Variants in CCT5 observed in about 807,000 individuals in gnomAD.
CCT5 encodes the protein T-complex protein 1 subunit epsilon.
CCT5 carries 6 observed loss-of-function variants against 55.0 expected under a neutral mutation model. That is an observed-to-expected ratio of 0.11 (90% CI 0.06 to 0.22). The LOEUF (loss-of-function observed/expected upper bound fraction) is 0.22. CCT5 is among the 10% of genes least tolerant of loss of function. The pLI, the probability that CCT5 is intolerant of heterozygous loss-of-function variation, is 1.00. For synonymous variants in CCT5, 231 were observed against 243.7 expected (o/e 0.95, Z 0.49); for missense variants, 560 against 694.6 (o/e 0.81, Z 2.18).
Position 10,260,888 on chromosome 5 carries a change from T to G in CCT5, c.970T>G (p.Trp324Gly). 3.7e-6 allele frequency: 6 copies of G among 1,614,178 alleles called. No individual in the cohort carries two copies. The highest frequency in any genetic ancestry group is 5.1e-6 in the Non-Finnish European group (6 of 1,180,002). Residue 324 changes from tryptophan to glycine, a missense_variant, in exon 7 of 11, where the codon TGG becomes GGG. Trp to Gly is a radical substitution (Grantham distance 184). Coordinates refer to ENST00000280326, the MANE Select transcript of CCT5 (RefSeq NM_012073.5). Reference sequence around the variant, plus strand: ...TCAGAACAACTTGCCTGCGGTTCGCTGGGTAGGAGGACCTGAAATTGAGGT... The same window carrying G: ...TCAGAACAACTTGCCTGCGGTTCGCGGGGTAGGAGGACCTGAAATTGAGGT... Reference protein sequence around the residue: ...LLQNNLPAVRWVGGPEIELIA... With the variant: ...LLQNNLPAVRGVGGPEIELIA...
At chr5:10,252,352 T>G (rs774465200) in intron 1 of CCT5, among the ~76,000 whole-genome samples, 8 of 152,224 alleles carry the variant, frequency 5.3e-5, no homozygotes, top group Non-Finnish European at 1.2e-4. Context: ...ATGGTAATGG[T>G]CACAGTTCTT....
At chr5:10,252,614 C>CA (rs35768596) in intron 1 of CCT5, among the ~76,000 whole-genome samples, 96,342 of 119,862 alleles carry the variant, frequency 0.8, 39,355 homozygotes, top group Non-Finnish European at 0.9. Flanking sequence ...GACTCCGTCT[C>CA]AAAAAAAAAA....
At chr5:10,259,513 C>T (rs1173689448) in intron 6 of CCT5, among the ~76,000 whole-genome samples, 1 of 152,156 alleles carries the variant, frequency 6.6e-6, no homozygotes, top group Non-Finnish European at 1.5e-5. Flanking sequence ...GCTCTTGAGA[C>T]ACAGATAAGA....
At chr5:10,254,411 G>A (rs1232957198) in intron 2 of CCT5, 5 of 541,964 alleles carry the variant, frequency 9.2e-6, no homozygotes, top group South Asian at 4.6e-5. Context: ...TTTTTTTTTA[G>A]CATGTAACAT....
Position 10,254,153 on chromosome 5 carries a change from A to G in CCT5, c.114A>G (p.Ile38Met), listed in dbSNP as rs1745560928. The G allele has an allele frequency of 1.9e-6, 3 of 1,606,224 alleles. No individual in the cohort carries two copies. The highest frequency in any genetic ancestry group is 8.5e-7 in the Non-Finnish European group (1 of 1,173,062). The part of the protein sequence containing the change: ...LMGLEALKSH[I>M]MAAKAVANTM... Reference sequence around the variant, plus strand: ...TCTGTTTGTTTCATTAGTCTCATATAATGGCAGCAAAGGCTGTAGCAAATA... The same window carrying G: ...TCTGTTTGTTTCATTAGTCTCATATGATGGCAGCAAAGGCTGTAGCAAATA... Residue 38 changes from isoleucine (I) to methionine (M), a missense_variant, in exon 2 of 11, where the codon ATA (isoleucine) becomes ATG (methionine). Transcript: ENST00000280326.
In CCT5 at chr5:10,258,411, T is replaced by G. The variant is rs1366466878; in HGVS notation, c.749T>G (p.Ile250Ser). 1.9e-6 allele frequency: 3 copies of G among 1,614,254 alleles called. No homozygotes were observed. The highest frequency in any genetic ancestry group is 2.5e-6 in the Non-Finnish European group (3 of 1,180,048). The change falls in exon 6 of 11, where the codon ATT becomes AGT. Residue 250 changes from isoleucine (I) to serine (S), a missense_variant. By Grantham distance (142) the Ile-to-Ser change is moderately radical. This residue lies in a region of CCT5 where 256 missense variants were observed against 372.4 expected (regional missense o/e 0.69). Transcript: ENST00000280326. ...PKKVEDAKIA[I>S]LTCPFEPPKP... ...AAAGTGGAAGATGCGAAGATTGCAA[T>G]TCTCACATGTCCATTTGAACCACCC...
At chr5:10,250,735 T>C (rs928133497) in intron 1 of CCT5, 110 of 1,248,318 alleles carry the variant, frequency 8.8e-5, no homozygotes, top group Non-Finnish European at 1.1e-4. Context: ...CGGGACCGCC[T>C]CCCCGCCCGG....
Position 10,262,561 on chromosome 5 carries a change from T to C in CCT5, c.1260T>C (p.Tyr420=), listed in dbSNP as rs1180508399. The C allele has an allele frequency of 1.2e-6, 2 of 1,614,214 alleles. No homozygotes were observed. Among genetic ancestry groups the C allele is most frequent in the Admixed American group, 1.7e-5 (1 of 60,024 alleles). ...RNLIRDNRVV[Y]GGGAAEISCA... is the part of the protein sequence containing the mutation. ...TCATCCGCGATAATCGTGTGGTGTA[T>C]GGAGGAGGGGCTGCTGAGATATCCT... Residue 420 remains tyrosine, a synonymous_variant, in exon 9 of 11, where the codon TAT becomes TAC. Coordinates refer to ENST00000280326, the MANE Select transcript of CCT5 (RefSeq NM_012073.5).
intron 1 of CCT5, among the ~76,000 whole-genome samples, chr5:10,253,122 T>TA (rs1325398262): frequency 6.7e-6 from 1 of 148,264 alleles, no homozygotes; most frequent in Non-Finnish European, 1.5e-5. Flanking sequence ...GGTCAGGAGT[T>TA]AAAGACCAGC....
chr5:10,260,225 C>T (rs1288634029), intron 6 of CCT5, among the ~76,000 whole-genome samples: 1 of 152,144 alleles, frequency 6.6e-6, no homozygotes, highest in Non-Finnish European at 1.5e-5. Flanking sequence ...GGTGGGCAGC[C>T]TGATCGTTGC....
chr5:10,254,620 T>A lies in CCT5; in HGVS notation c.167-54T>A, dbSNP rs888363988. ...GGTCAGGAGGTCTTGTTTTATAGTT[T>A]GTGATATTGGTTGCCAGTTTTTTGC... is the stretch of plus-strand genomic sequence containing the variant. On this transcript the variant is annotated intron_variant, in intron 2 of 10. Coordinates refer to ENST00000280326, the MANE Select transcript of CCT5 (RefSeq NM_012073.5). 13 of 1,508,768 alleles carry A rather than the reference T, an allele frequency of 8.6e-6. No homozygotes were observed. The African/African-American group carries it at 1.6e-4, about 19-fold the overall frequency. The allele number at this position is 1,508,768 out of a possible 1,614,324, so 93.5% of individuals were successfully genotyped here.
chr5:10,266,328 G>A lies in CCT5; in HGVS notation c.*1545G>A, dbSNP rs759367138. 6.6e-6 allele frequency: 1 copy of A among 152,202 alleles called. No homozygotes were observed. The highest frequency in any genetic ancestry group is 6.5e-5 in the Admixed American group (1 of 15,286). 9.4% of individuals were successfully genotyped at this position (152,202 alleles called of 1,614,324 possible). On this transcript the variant is annotated 3_prime_UTR_variant, in exon 11 of 11. Coordinates refer to ENST00000280326, the MANE Select transcript of CCT5 (RefSeq NM_012073.5). ...ACTGGTCAATGAACAGGAAGACTTA[G>A]AGATGTTTCACAAGCCTTTGATTTT...
intron 3 of CCT5, among the ~76,000 whole-genome samples, chr5:10,255,463 C>T (rs754666774): frequency 6.6e-6 from 1 of 150,472 alleles, no homozygotes; most frequent in Non-Finnish European, 1.5e-5. Context: ...ATTCATTCAA[C>T]AAATATTTAT....
rs1241026932 is a variant in CCT5 at position 10,265,478 on chromosome 5, TTAAAG to T, written c.*700_*704del. On this transcript the variant is annotated 3_prime_UTR_variant, in exon 11 of 11. Transcript: ENST00000280326. ...TCAGAGGGACACAGTGAAGTGGAGG[TTAAAG>T]TAAATTACAGGAAATAAGGGAGAAA... 1 of 152,234 alleles carries T rather than the reference TTAAAG, an allele frequency of 6.6e-6. No homozygotes were observed. The highest frequency in any genetic ancestry group is 6.5e-5 in the Admixed American group (1 of 15,268). The allele number at this position is 152,234 out of a possible 1,614,324, so 9.4% of individuals were successfully genotyped here. A position where few individuals can be genotyped will look rare whatever the true frequency, so the allele number is the denominator to read the frequency against.
chr5:10,262,894 TAAAAA>T (rs755257641), intron 9 of CCT5, among the ~76,000 whole-genome samples: 1 of 152,348 alleles, frequency 6.6e-6, no homozygotes, highest in Non-Finnish European at 1.5e-5. Flanking sequence ...TATTATAACT[TAAAAA>T]TAAAGCCATA....
chr5:10,261,202 C>T, intron 7 of CCT5: 1 of 498,592 alleles, frequency 2.0e-6, no homozygotes. Flanking sequence ...ATACTAATGG[C>T]AGTCCCAGGC....
chr5:10,255,021 A>G (rs1745603601), intron 3 of CCT5, 183 bp downstream of exon 3: 1 of 624,914 alleles, frequency 1.6e-6, no homozygotes, highest in East Asian at 2.8e-5. Flanking sequence ...AAAGAACAGA[A>G]AGAGGGCTGG....
At chr5:10,263,347 G>A (rs56221522) in intron 10 of CCT5, 33 bp downstream of exon 10, 1 of 1,586,760 alleles carries the variant, frequency 6.3e-7, no homozygotes, top group Non-Finnish European at 8.6e-7. Context: ...CGTGGAGGGG[G>A]GGGGATGTCT....
chr5:10,254,739 T>C lies in CCT5; in HGVS notation c.232T>C (p.Leu78=), dbSNP rs1428961277. The change falls in exon 3 of 11, where the codon TTA becomes CTA. Residue 78 remains leucine, a synonymous_variant. Transcript: ENST00000280326. ...TGTAACTAATGATGGGGCCACCATC[T>C]TAAGCATGATGGATGTTGATCATCA... ...VTVTNDGATI[L]SMMDVDHQIA... 1 of 1,611,510 alleles carries C rather than the reference T, an allele frequency of 6.2e-7. No individual in the cohort carries two copies. The highest frequency in any genetic ancestry group is 1.7e-5 in the Admixed American group (1 of 60,006).
Sources: allele counts gnomAD v4.1 joint callset (sites outside exome capture counted in the v4.1 genomes callset), GRCh38; gene constraint gnomAD v4.1.1; regional missense constraint gnomAD v4.1.1; transcripts MANE v1.5; gene names NCBI Gene and HGNC (gene_info 2026-07-23, HGNC 2026-07-21).